The following TMEM117 variants were observed in gnomAD, a reference collection of about 807,000 sequenced individuals.
TMEM117 encodes the protein transmembrane protein 117.
In TMEM117, 27 loss-of-function variants were observed where a neutral mutation model predicts 52.4. The observed-to-expected ratio is 0.51, with a 90% confidence interval of 0.38 to 0.71. The LOEUF (loss-of-function observed/expected upper bound fraction) is 0.71. Ranked by LOEUF, TMEM117 falls within the 30% of genes least tolerant of loss-of-function variation. The pLI, the probability that TMEM117 is intolerant of heterozygous loss-of-function variation, is 0.00. For synonymous variants in TMEM117, 215 were observed against 206.3 expected (o/e 1.04, Z -0.36); for missense variants, 556 against 630.5 (o/e 0.88, Z 1.26).
chr12:43,797,130 C>CA, the TMEM117 span: 1 of 1,542,242 alleles, frequency 6.5e-7, no homozygotes, highest in Non-Finnish European at 8.8e-7. Context: ...ATATAATTAG[C>CA]ATATCAATAC....
In TMEM117 at chr12:44,014,317, T is replaced by G. The variant is rs553468656; in HGVS notation, c.410+69975T>G. Among the ~76,000 whole-genome samples the G allele has an allele frequency of 1.2e-4, 19 of 152,226 alleles. No individual in the cohort carries two copies. The East Asian group carries it at 3.5e-3, about 28-fold the overall frequency. Reference sequence around the variant, plus strand: ...CTCCCTCAGCAGACCTGATGAGGCCTTGGGGTTAGGATGAGGGGGATAAGA... The same window carrying G: ...CTCCCTCAGCAGACCTGATGAGGCCGTGGGGTTAGGATGAGGGGGATAAGA... On this transcript the variant is annotated intron_variant, in intron 3 of 7. Coordinates refer to ENST00000266534, the MANE Select transcript of TMEM117 (RefSeq NM_032256.3).
chr12:44,024,846 ATATT>A (rs1946508185), intron 3 of TMEM117, among the ~76,000 whole-genome samples: 2 of 152,162 alleles, frequency 1.3e-5, no homozygotes. Context: ...ATCTACATAT[ATATT>A]TGTGTTTGTA....
At chr12:44,116,699 T>A (rs1197013131) in intron 3 of TMEM117, among the ~76,000 whole-genome samples, 2 of 152,228 alleles carry the variant, frequency 1.3e-5, no homozygotes, top group Admixed American at 1.3e-4. Flanking sequence ...GCTAATTTGG[T>A]GCATGGCAGC....
chr12:44,084,030 G>A (rs896037381), intron 3 of TMEM117, among the ~76,000 whole-genome samples: 1 of 152,014 alleles, frequency 6.6e-6, no homozygotes, highest in African/African-American at 2.4e-5. Flanking sequence ...AAAGCAGTAC[G>A]TTTTATTTAT....
At chr12:44,048,381 T>C (rs1946913315) in intron 3 of TMEM117, among the ~76,000 whole-genome samples, 1 of 152,192 alleles carries the variant, frequency 6.6e-6, no homozygotes, top group African/African-American at 2.4e-5. Flanking sequence ...ATCTCTCTTT[T>C]TTCACTTTAT....
intron 4 of TMEM117, among the ~76,000 whole-genome samples, chr12:44,209,339 G>T (rs902763905): frequency 2.6e-5 from 4 of 151,904 alleles, no homozygotes; most frequent in Non-Finnish European, 2.9e-5. Flanking sequence ...TAAGTATCAT[G>T]AATCATTTTG....
In TMEM117 at chr12:44,268,200, T is replaced by C. The variant is rs141974167; in HGVS notation, c.609-31380T>C. On this transcript the variant is annotated intron_variant, in intron 5 of 7. Coordinates refer to ENST00000266534, the MANE Select transcript of TMEM117 (RefSeq NM_032256.3). ...TTGCCCAGCTTGGAGTGCAATGACG[T>C]GATCTCGGCTCACTGCAACCTCTGC... Among the ~76,000 whole-genome samples the C allele has an allele frequency of 2.4e-3, 363 of 152,074 alleles. 11 individuals are homozygous for C. In the East Asian group the frequency reaches 0.035, roughly 15 times the overall value.
intron 2 of TMEM117, among the ~76,000 whole-genome samples, chr12:43,858,666 G>A (rs565177698): frequency 2.0e-5 from 3 of 152,278 alleles, no homozygotes; most frequent in East Asian, 1.9e-4. Flanking sequence ...TTTGTGTGTC[G>A]TTGAGGATGT....
chr12:44,116,226 A>G (rs563565590), intron 3 of TMEM117, among the ~76,000 whole-genome samples: 1 of 152,198 alleles, frequency 6.6e-6, no homozygotes, highest in Non-Finnish European at 1.5e-5. Flanking sequence ...TCTTTGTTAT[A>G]TCGCTTTACA....
intron 2 of TMEM117, among the ~76,000 whole-genome samples, chr12:43,876,115 G>C (rs536790869): frequency 1.3e-5 from 2 of 152,324 alleles, no homozygotes; most frequent in East Asian, 3.9e-4. Context: ...TTCATGATCT[G>C]CATGGTATCC....
At chr12:44,303,063 T>G (rs1643434) in intron 6 of TMEM117, among the ~76,000 whole-genome samples, 39,715 of 151,712 alleles carry the variant, frequency 0.26, 8,744 homozygotes, top group African/African-American at 0.61. Flanking sequence ...TTTTTTCTGA[T>G]ATGGAGTTTC....
At chr12:43,991,825 G>C (rs73286232) in intron 3 of TMEM117, among the ~76,000 whole-genome samples, 2 of 151,956 alleles carry the variant, frequency 1.3e-5, no homozygotes, top group Non-Finnish European at 2.9e-5. Context: ...TTTGAATGAC[G>C]GCAGCAGCCT....
the TMEM117 span, chr12:43,802,547 T>C: frequency 0.074 from 73,028 of 992,728 alleles, 3,217 homozygotes; most frequent in Non-Finnish European, 0.089. Context: ...AAAATAAATA[T>C]ATAGTCATTT....
upstream of TMEM117, among the ~76,000 whole-genome samples, chr12:43,834,192 C>T (rs1942998878): frequency 6.6e-6 from 1 of 152,174 alleles, no homozygotes; most frequent in Admixed American, 6.5e-5. Flanking sequence ...ACTGAAGAGT[C>T]CTTGCTTTAA....
chr12:44,215,886 CAT>C (rs2138412121), intron 5 of TMEM117, among the ~76,000 whole-genome samples: 1 of 151,920 alleles, frequency 6.6e-6, no homozygotes, highest in South Asian at 2.1e-4. Flanking sequence ...CCTCTGATTA[CAT>C]GACTTGCCTT....
At chr12:44,059,798 A>G (rs1228956506) in intron 3 of TMEM117, among the ~76,000 whole-genome samples, 1 of 152,214 alleles carries the variant, frequency 6.6e-6, no homozygotes, top group Non-Finnish European at 1.5e-5. Context: ...ATTTGTATGT[A>G]TTTCTTTTTG....
chr12:43,894,300 A>C (rs1452862259), intron 2 of TMEM117, among the ~76,000 whole-genome samples: 1 of 152,140 alleles, frequency 6.6e-6, no homozygotes, highest in Non-Finnish European at 1.5e-5. Context: ...CATCTTCCTT[A>C]TTAAATTGTA....
At chr12:44,226,517 G>GTGTT (rs1050166326) in intron 5 of TMEM117, among the ~76,000 whole-genome samples, 4 of 151,972 alleles carry the variant, frequency 2.6e-5, no homozygotes, top group African/African-American at 9.7e-5. Flanking sequence ...GTGTGTGTGT[G>GTGTT]TGTGTGTACA....
intron 4 of TMEM117, among the ~76,000 whole-genome samples, chr12:44,144,845 G>C (rs17094153): frequency 0.011 from 1,670 of 152,276 alleles, 35 homozygotes; most frequent in African/African-American, 0.037. Flanking sequence ...TTGAGAACAG[G>C]CTGCCTCACA....
Sources: gnomAD v4.1 joint callset for allele counts (sites outside exome capture counted in the v4.1 genomes callset) on GRCh38, gnomAD v4.1.1 for gene constraint, MANE v1.5 for transcripts, NCBI Gene and HGNC (gene_info 2026-07-23, HGNC 2026-07-21) for gene names.